RHCE: variants seen among roughly 807,000 people sequenced by gnomAD.
RHCE encodes blood group Rh(CE) polypeptide.
A neutral mutation model predicts 43.8 loss-of-function variants in RHCE; 22 were observed. The ratio of observed to expected loss-of-function variants is 0.50; its 90% CI spans 0.36 to 0.72. The LOEUF (loss-of-function observed/expected upper bound fraction) is 0.72, where lower values mean the gene tolerates loss of function less well. Ranked by LOEUF, RHCE falls within the 30% of genes least tolerant of loss-of-function variation. The pLI is 0.00. For missense variants in RHCE, 385 were observed against 525.4 expected (o/e 0.73, Z 2.61); for synonymous variants, 156 against 210.7 (o/e 0.74, Z 2.25).
At chr1:25,411,547 C>A (rs1458717495) in intron 1 of RHCE, 6 of 1,306,022 alleles carry the variant, frequency 4.6e-6, no homozygotes, top group African/African-American at 1.5e-5. Context: ...ATATAGGAGA[C>A]CCCCAAGGAC....
intron 3 of RHCE, among the ~76,000 whole-genome samples, chr1:25,396,564 C>T (rs1020616817): frequency 3.9e-5 from 6 of 152,102 alleles, no homozygotes. Context: ...AGGAAACTTA[C>T]AATCATGGTG....
At chr1:25,423,431 G>A (rs546817551), upstream of RHCE, among the ~76,000 whole-genome samples, 52 of 152,194 alleles carry the variant, frequency 3.4e-4, no homozygotes, top group Admixed American at 9.8e-4. Flanking sequence ...TTACCAGCTG[G>A]CAAACAGCGT....
chr1:25,403,960 G>C (rs1646834593), intron 2 of RHCE, among the ~76,000 whole-genome samples: 1 of 151,012 alleles, frequency 6.6e-6, no homozygotes, highest in Non-Finnish European at 1.5e-5. Flanking sequence ...TTGAGGCCAG[G>C]GGTTCAAGAG....
chr1:25,400,123 A>T (rs1324879917), intron 3 of RHCE, among the ~76,000 whole-genome samples: 3 of 152,070 alleles, frequency 2.0e-5, no homozygotes, highest in African/African-American at 7.2e-5. Context: ...CTTCTGTATC[A>T]TCAGATTTTT....
chr1:25,379,491 ATATATTTTTTTTTTTTTTTT>A (rs1645923186), intron 7 of RHCE, among the ~76,000 whole-genome samples: 1 of 18,292 alleles, frequency 5.5e-5, no homozygotes, highest in African/African-American at 4.4e-4. Context: ...ATATATATAT[ATATATTTTTTTTTTTTTTTT>A]TTTTTTTTTT....
intron 7 of RHCE, among the ~76,000 whole-genome samples, chr1:25,382,010 T>C (rs1646016963): frequency 6.6e-6 from 1 of 151,284 alleles, no homozygotes; most frequent in African/African-American, 2.5e-5. Flanking sequence ...TCCAAAAGCA[T>C]GGTGCCACCA....
upstream of RHCE, among the ~76,000 whole-genome samples, chr1:25,423,661 C>T (rs991648169): frequency 6.6e-6 from 1 of 152,188 alleles, no homozygotes; most frequent in African/African-American, 2.4e-5. Context: ...ATAAAAGGCC[C>T]CATTTTCTGA....
chr1:25,425,710 G>GAGCC (rs972670105), upstream of RHCE, among the ~76,000 whole-genome samples: 9 of 152,170 alleles, frequency 5.9e-5, no homozygotes, highest in Admixed American at 5.9e-4. Context: ...TCAAGCCAGG[G>GAGCC]AGCCCACAGC....
At chr1:25,373,784 A>C (rs895982305) in intron 8 of RHCE, among the ~76,000 whole-genome samples, 17 of 151,534 alleles carry the variant, frequency 1.1e-4, no homozygotes, top group Non-Finnish European at 1.8e-4. Context: ...TAACCAATAA[A>C]AGATGTTTGC....
chr1:25,368,605 AGGTAT>A (rs1470649242), intron 9 of RHCE, among the ~76,000 whole-genome samples: 1 of 150,818 alleles, frequency 6.6e-6, no homozygotes, highest in African/African-American at 2.5e-5. Flanking sequence ...TTCTAAACCA[AGGTAT>A]AAAAGAAAAT....
intron 8 of RHCE, among the ~76,000 whole-genome samples, chr1:25,372,771 T>C (rs1645652640): frequency 6.6e-6 from 1 of 151,728 alleles, no homozygotes; most frequent in Admixed American, 6.5e-5. Flanking sequence ...TTTTGGCTTC[T>C]TGAGGAACTT....
intron 6 of RHCE, among the ~76,000 whole-genome samples, chr1:25,386,954 C>A (rs1047620625): frequency 2.0e-5 from 3 of 151,978 alleles, no homozygotes; most frequent in African/African-American, 7.3e-5. Flanking sequence ...TCACTTGAAC[C>A]CAGGAGGTGG....
At chr1:25,428,352 A>C (rs2042820561) in intron 2 of RHCE, among the ~76,000 whole-genome samples, 1 of 152,180 alleles carries the variant, frequency 6.6e-6, no homozygotes, top group African/African-American at 2.4e-5. Context: ...TTAAGCTTCC[A>C]TTTTGATTTG....
intron 2 of RHCE, among the ~76,000 whole-genome samples, chr1:25,404,169 C>CAAA (rs3079571): frequency 0.48 from 43,506 of 90,402 alleles, 8,689 homozygotes; most frequent in Middle Eastern, 0.56. Context: ...CTCTGTCTCA[C>CAAA]AAAAAAAAAA....
At chr1:25,379,662 C>A (rs1645933170) in intron 7 of RHCE, among the ~76,000 whole-genome samples, 2 of 149,974 alleles carry the variant, frequency 1.3e-5, no homozygotes, top group South Asian at 2.1e-4. Context: ...GTGCCACCAT[C>A]TCCAGCTACG....
chr1:25,410,573 C>T (rs539443257), intron 1 of RHCE, among the ~76,000 whole-genome samples: 3 of 151,964 alleles, frequency 2.0e-5, no homozygotes, highest in African/African-American at 4.8e-5. Flanking sequence ...GTGGGAACCA[C>T]AGGCGCGCAC....
intron 1 of RHCE, among the ~76,000 whole-genome samples, chr1:25,414,014 C>T (rs920703364): frequency 1.8e-4 from 27 of 151,948 alleles, no homozygotes; most frequent in African/African-American, 6.3e-4. Context: ...TGAAACAATG[C>T]CAGCTGCTCA....
At position 25,409,691 on chromosome 1, in the gene RHCE, C is replaced by T. The variant is rs569990406; in HGVS notation, c.149-822G>A. 4.7e-5 allele frequency among the ~76,000 whole-genome samples: 6 copies of T among 126,714 alleles called. 2 individuals are homozygous for T. The South Asian group carries it at 2.2e-3, about 47-fold the overall frequency. 83.1% of individuals were successfully genotyped at this position (126,714 alleles called of 152,430 possible). ...TAACTGTGTGGTCTTGATCTAGTTA[C>T]TTAACATCTCTGAGCTTTATAACAG... On this transcript the variant is annotated intron_variant, in intron 1 of 9. Transcript: ENST00000294413.
chr1:25,418,114 C>A (rs557401510), intron 1 of RHCE, among the ~76,000 whole-genome samples: 1 of 152,232 alleles, frequency 6.6e-6, no homozygotes, highest in Non-Finnish European at 1.5e-5. Flanking sequence ...GCTACCTCTA[C>A]CTCCTGGGTT....
Sources: allele counts gnomAD v4.1 joint callset (sites outside exome capture counted in the v4.1 genomes callset), GRCh38; gene constraint gnomAD v4.1.1; transcripts MANE v1.5; gene names NCBI Gene and HGNC (gene_info 2026-07-23, HGNC 2026-07-21).